ABCD2: variants seen among roughly 807,000 people sequenced by gnomAD.
ABCD2 encodes ATP binding cassette subfamily D member 2.
In ABCD2, 36 loss-of-function variants were observed where a neutral mutation model predicts 70.9. That is an observed-to-expected ratio of 0.51 (90% confidence interval 0.39 to 0.67). The LOEUF (loss-of-function observed/expected upper bound fraction) is 0.67. Ranked by LOEUF, ABCD2 falls within the 30% of genes least tolerant of loss-of-function variation. ABCD2 has a pLI of 0.00. For synonymous variants in ABCD2, 304 were observed against 306.9 expected, an observed-to-expected ratio of 0.99 and a Z score of 0.10; for missense variants, 729 against 890.2, an observed-to-expected ratio of 0.82 and a Z score of 2.30.
At chr12:39,603,726 C>G (rs1437827119) in intron 5 of ABCD2, among the ~76,000 whole-genome samples, 186 bp downstream of exon 5, 1 of 151,938 alleles carries the variant, frequency 6.6e-6, no homozygotes, top group Non-Finnish European at 1.5e-5. Context: ...CAGTAGAAAT[C>G]AAATTTCTCT....
intron 8 of ABCD2, among the ~76,000 whole-genome samples, chr12:39,577,312 G>A (rs1035411635): frequency 6.6e-6 from 1 of 151,814 alleles, no homozygotes; most frequent in Non-Finnish European, 1.5e-5. Flanking sequence ...TATTCAAAAG[G>A]CTGAACCTAA....
At chr12:39,591,614 A>G (rs1412085049) in intron 6 of ABCD2, among the ~76,000 whole-genome samples, 1 of 152,156 alleles carries the variant, frequency 6.6e-6, no homozygotes, top group East Asian at 1.9e-4. Flanking sequence ...TGGGAGGCTG[A>G]GGCACAAGAA....
intron 2 of ABCD2, among the ~76,000 whole-genome samples, chr12:39,609,723 C>G (rs1037042689): frequency 3.9e-5 from 6 of 152,114 alleles, no homozygotes; most frequent in African/African-American, 1.4e-4. Flanking sequence ...GATTTCAGTG[C>G]AAATATATAC....
chr12:39,617,311 A>C (rs1942129693), intron 1 of ABCD2, 143 bp from the exon 2 acceptor site: 1 of 484,604 alleles, frequency 2.1e-6, no homozygotes, highest in East Asian at 3.5e-5. Flanking sequence ...AGTTTTGGTC[A>C]CATGTGTATT....
At chr12:39,577,918 A>C (rs1201077665) in intron 8 of ABCD2, among the ~76,000 whole-genome samples, 1 of 152,108 alleles carries the variant, frequency 6.6e-6, no homozygotes. Context: ...TTTTTGATGA[A>C]GTTTGACTTT....
chr12:39,554,076 G>T lies in ABCD2; in HGVS notation c.2059C>A (p.Gln687Lys), dbSNP rs1242737023. ...FDGEGGWRFE[Q>K]LDTAIRLTLS... ...GTCAAACGGATAGCAGTATCCAATT[G>T]TTCAAAGCGCCAACCTCCTTCACCA... Residue 687 changes from glutamine (Q) to lysine (K), a missense_variant, in exon 10 of 10, where the codon CAA becomes AAA. Physicochemically the swap from Gln to Lys is moderately conservative, Grantham distance 53. Transcript: ENST00000308666. 1.2e-6 allele frequency: 2 copies of T among 1,613,524 alleles called. No individual in the cohort carries two copies. Among genetic ancestry groups the T allele is most frequent in the Admixed American group, 1.7e-5 (1 of 59,956 alleles).
At chr12:39,600,797 TA>T in intron 5 of ABCD2, 81 bp from the exon 6 acceptor site, 1 of 1,311,662 alleles carries the variant, frequency 7.6e-7, no homozygotes, top group Non-Finnish European at 1.1e-6. Context: ...ATTATTTTTT[TA>T]AAATGTTCGA....
chr12:39,556,709 T>C (rs1566527914), intron 9 of ABCD2, among the ~76,000 whole-genome samples: 1 of 152,118 alleles, frequency 6.6e-6, no homozygotes. Context: ...TACCCAGGCC[T>C]AACATGGTGG....
chr12:39,583,856 C>T (rs373605236), intron 7 of ABCD2, among the ~76,000 whole-genome samples: 29 of 152,160 alleles, frequency 1.9e-4, no homozygotes, highest in African/African-American at 6.3e-4. Context: ...TATATGATCT[C>T]ATTCTTTTTT....
At chr12:39,543,400 TC>T in the ABCD2 span, among the ~76,000 whole-genome samples, 6 of 152,160 alleles carry the variant, frequency 3.9e-5, no homozygotes, top group Non-Finnish European at 7.3e-5. Flanking sequence ...CTCTTTCATT[TC>T]CTTATCTTTC....
At chr12:39,575,802 T>C (rs1307815345) in intron 8 of ABCD2, among the ~76,000 whole-genome samples, 2 of 152,244 alleles carry the variant, frequency 1.3e-5, no homozygotes, top group South Asian at 2.1e-4. Context: ...TTCATTGATC[T>C]TTATGTGGCT....
At chr12:39,570,175 A>G (rs1028100811) in intron 9 of ABCD2, among the ~76,000 whole-genome samples, 3 of 152,264 alleles carry the variant, frequency 2.0e-5, no homozygotes, top group African/African-American at 4.8e-5. Context: ...AGTGATCTAC[A>G]TATTCAATTC....
intron 6 of ABCD2, among the ~76,000 whole-genome samples, chr12:39,587,105 A>T (rs1214327339): frequency 6.6e-6 from 1 of 152,208 alleles, no homozygotes; most frequent in Non-Finnish European, 1.5e-5. Flanking sequence ...ACAAAAAAAG[A>T]TGCATGAGGT....
chr12:39,568,092 C>A (rs1243501775), intron 9 of ABCD2, among the ~76,000 whole-genome samples: 1 of 151,910 alleles, frequency 6.6e-6, no homozygotes, highest in Non-Finnish European at 1.5e-5. Flanking sequence ...GTGAATCTGA[C>A]AATTATGTGT....
chr12:39,534,657 AAAAG>A, the ABCD2 span, among the ~76,000 whole-genome samples: 6 of 148,068 alleles, frequency 4.1e-5, no homozygotes, highest in African/African-American at 1.5e-4. Flanking sequence ...AAGAAAGAAA[AAAAG>A]AAAGAAAGAG....
rs1414093868 is a variant in ABCD2 at position 39,552,130 on chromosome 12, A to C, written c.*1782T>G. ...TGATGAATAAGTAGGTGATAATACT[A>C]ATGAAAACGTTGGACAAATGTACTG... is the stretch of plus-strand genomic sequence containing the variant. On this transcript the variant is annotated 3_prime_UTR_variant, in exon 10 of 10. Coordinates refer to ENST00000308666, the MANE Select transcript of ABCD2 (RefSeq NM_005164.4). 1 of 151,996 alleles carries C rather than the reference A, an allele frequency of 6.6e-6. No individual in the cohort carries two copies. Among genetic ancestry groups the C allele is most frequent in the Non-Finnish European group, 1.5e-5 (1 of 67,854 alleles). 9.4% of individuals were successfully genotyped at this position (151,996 alleles called of 1,614,324 possible).
At chr12:39,563,867 A>C (rs535943536) in intron 9 of ABCD2, among the ~76,000 whole-genome samples, 1 of 152,268 alleles carries the variant, frequency 6.6e-6, no homozygotes, top group Admixed American at 6.5e-5. Flanking sequence ...ATGAGTGAGA[A>C]CATGTGGTGT....
At chr12:39,574,297 C>G (rs1163664248) in intron 8 of ABCD2, among the ~76,000 whole-genome samples, 2 of 152,126 alleles carry the variant, frequency 1.3e-5, no homozygotes, top group Non-Finnish European at 1.5e-5. Context: ...AATACCTAAG[C>G]ATTACTAATG....
chr12:39,561,391 CAA>C (rs529908093), intron 9 of ABCD2, among the ~76,000 whole-genome samples: 27 of 74,410 alleles, frequency 3.6e-4, no homozygotes, highest in Admixed American at 5.1e-4. Context: ...GACTCTGTCT[CAA>C]AAAAAAAAAA....
Sources: allele counts gnomAD v4.1 joint callset (sites outside exome capture counted in the v4.1 genomes callset), GRCh38; gene constraint gnomAD v4.1.1; transcripts MANE v1.5; gene names NCBI Gene and HGNC (gene_info 2026-07-23, HGNC 2026-07-21).